Variants in ANXA2 observed in about 807,000 individuals in gnomAD.
ANXA2 encodes annexin II.
ANXA2 carries 28 observed loss-of-function variants against 47.3 expected under a neutral mutation model. The ratio of observed to expected loss-of-function variants is 0.59; its 90% CI spans 0.44 to 0.81. ANXA2 has a LOEUF of 0.81. Among genes scored for constraint, ANXA2 ranks in the 40% least tolerant of loss-of-function variants. The pLI is 0.00. For synonymous variants in ANXA2, 172 were observed against 155.5 expected, an observed-to-expected ratio of 1.11 and a Z score of -0.79; for missense variants, 384 against 414.3, an observed-to-expected ratio of 0.93 and a Z score of 0.64.
chr15:60,364,647 A>T (rs1595677609), intron 3 of ANXA2, 124 bp from the exon 4 acceptor site: 2 of 637,570 alleles, frequency 3.1e-6, no homozygotes, highest in East Asian at 3.0e-5. Context: ...TGAAATACCC[A>T]GACACCAAGA....
rs769190461 is a variant in ANXA2 at position 60,355,914 on chromosome 15, C to T, written c.528+5G>A. The T allele has an allele frequency of 6.2e-7, 1 of 1,613,492 alleles. No homozygotes were observed. Among genetic ancestry groups the T allele is most frequent in the Non-Finnish European group, 8.5e-7 (1 of 1,179,490 alleles). On this transcript the variant is annotated splice_donor_5th_base_variant and intron_variant, in intron 7 of 12. Transcript: ENST00000451270. Reference sequence around the variant, plus strand: ...AAGGGCAAAGAAAGAAACTGGGAAACCAACCTTTGCCAGGGCAACCATCAG... The same window carrying T: ...AAGGGCAAAGAAAGAAACTGGGAAATCAACCTTTGCCAGGGCAACCATCAG...
At chr15:60,367,311 T>C (rs1345000988) in intron 3 of ANXA2, among the ~76,000 whole-genome samples, 11 of 92,798 alleles carry the variant, frequency 1.2e-4, no homozygotes, top group South Asian at 4.1e-4. Flanking sequence ...GTCCGGGAGG[T>C]GAGGGGCGCC....
intron 5 of ANXA2, 148 bp downstream of exon 5, chr15:60,360,793 C>A (rs1336111053): frequency 1.6e-5 from 10 of 622,102 alleles, no homozygotes; most frequent in Non-Finnish European, 1.2e-5. Flanking sequence ...TGGTACAAAT[C>A]CTGAGACATA....
At chr15:60,373,376 A>T (rs954459630) in intron 3 of ANXA2, among the ~76,000 whole-genome samples, 1 of 152,226 alleles carries the variant, frequency 6.6e-6, no homozygotes, top group Non-Finnish European at 1.5e-5. Flanking sequence ...AGTCCTTCCA[A>T]ACAAGCCTGT....
At chr15:60,348,483 G>A (rs1235487704) in intron 12 of ANXA2, among the ~76,000 whole-genome samples, 2 of 152,186 alleles carry the variant, frequency 1.3e-5, no homozygotes, top group African/African-American at 2.4e-5. Context: ...AGTGGCTCAC[G>A]CCTGTCATCC....
At chr15:60,354,753 G>T (rs1377124242) in intron 7 of ANXA2, among the ~76,000 whole-genome samples, 2 of 152,070 alleles carry the variant, frequency 1.3e-5, no homozygotes, top group East Asian at 3.8e-4. Flanking sequence ...TTGATACCCA[G>T]TCCTGGCCTA....
chr15:60,357,664 G>A (rs533187436), intron 5 of ANXA2, among the ~76,000 whole-genome samples: 1 of 152,122 alleles, frequency 6.6e-6, no homozygotes, highest in African/African-American at 2.4e-5. Context: ...ATGGTAGCGG[G>A]CGCCTGTAGT....
intron 1 of ANXA2, among the ~76,000 whole-genome samples, chr15:60,397,510 C>A (rs1301005281): frequency 6.6e-6 from 1 of 152,152 alleles, no homozygotes; most frequent in Non-Finnish European, 1.5e-5. Flanking sequence ...AGATGGGGGG[C>A]ACTTTCTAGA....
intron 9 of ANXA2, 94 bp from the exon 10 acceptor site, chr15:60,351,913 A>T: frequency 1.2e-6 from 1 of 869,344 alleles, no homozygotes; most frequent in Non-Finnish European, 1.9e-6. Flanking sequence ...AATTTTTTTA[A>T]AAATTGAGGA....
Position 60,351,797 on chromosome 15 carries a change from G to A in ANXA2, c.705C>T (p.Tyr235=). The A allele has an allele frequency of 6.2e-7, 1 of 1,612,618 alleles. No homozygotes were observed. Among genetic ancestry groups the A allele is most frequent in the Non-Finnish European group, 8.5e-7 (1 of 1,178,598 alleles). ...LQKVFDRYKS[Y]SPYDMLESIR... is the part of the protein sequence containing the mutation. ...TGCTTTCCAACATGTCATAAGGGCTGTAACTCTTGTACCTATCAAATACTG... is the reference window on the plus strand; with the variant it reads ...TGCTTTCCAACATGTCATAAGGGCTATAACTCTTGTACCTATCAAATACTG... Residue 235 remains tyrosine, a synonymous_variant, in exon 10 of 13, where the codon TAC becomes TAT. Transcript: ENST00000451270.
At chr15:60,361,170 G>C in intron 4 of ANXA2, 116 bp from the exon 5 acceptor site, 3 of 724,688 alleles carry the variant, frequency 4.1e-6, no homozygotes, top group Non-Finnish European at 7.5e-6. Flanking sequence ...TGACCACTCC[G>C]GAGTCTTGGG....
At chr15:60,377,995 G>A (rs2062804961) in intron 3 of ANXA2, among the ~76,000 whole-genome samples, 1 of 152,138 alleles carries the variant, frequency 6.6e-6, no homozygotes. Context: ...GGCTGAAACA[G>A]GAGAATTGCT....
intron 1 of ANXA2, chr15:60,386,330 C>A: frequency 2.3e-6 from 1 of 438,096 alleles, no homozygotes; most frequent in Non-Finnish European, 4.1e-6. Context: ...TAAACAGAAC[C>A]TGGGGAGACT....
chr15:60,354,766 C>T (rs1169508582), intron 7 of ANXA2, among the ~76,000 whole-genome samples: 1 of 152,128 alleles, frequency 6.6e-6, no homozygotes, highest in Non-Finnish European at 1.5e-5. Flanking sequence ...CTGGCCTACA[C>T]ACCTTACAGA....
At chr15:60,386,124 G>C in intron 1 of ANXA2, 38 bp from the exon 2 acceptor site, 1 of 1,409,360 alleles carries the variant, frequency 7.1e-7, no homozygotes, top group Non-Finnish European at 1.0e-6. Context: ...TTATGAAGAG[G>C]CTCTCCTTTA....
At chr15:60,356,240 C>G (rs528563811) in intron 6 of ANXA2, among the ~76,000 whole-genome samples, 296 of 152,266 alleles carry the variant, frequency 1.9e-3, no homozygotes, top group Non-Finnish European at 3.4e-3. Flanking sequence ...CAGGGATCCT[C>G]AGGCTCACCG....
chr15:60,366,220 C>A lies in ANXA2; in HGVS notation c.149-1697G>T, dbSNP rs1171808571. On this transcript the variant is annotated intron_variant, in intron 3 of 12. Transcript: ENST00000451270. ...GCTACAACCACCTCCCAGCCGCCTGCCTTGGCCTCCCAAAGAGCCCAGATT... is the reference window on the plus strand; with the variant it reads ...GCTACAACCACCTCCCAGCCGCCTGACTTGGCCTCCCAAAGAGCCCAGATT... Among the ~76,000 whole-genome samples the A allele has an allele frequency of 9.3e-5, 14 of 150,528 alleles. 1 individual carries two copies. The highest frequency in any genetic ancestry group is 4.3e-4 in the South Asian group (2 of 4,680).
chr15:60,354,444 A>C (rs1726959725), intron 7 of ANXA2, among the ~76,000 whole-genome samples: 1 of 152,084 alleles, frequency 6.6e-6, no homozygotes, highest in South Asian at 2.1e-4. Flanking sequence ...GATGGAGACC[A>C]ACCTGGCTAA....
chr15:60,359,316 A>G (rs1249707270), intron 5 of ANXA2, among the ~76,000 whole-genome samples: 3 of 152,184 alleles, frequency 2.0e-5, no homozygotes, highest in East Asian at 3.8e-4. Flanking sequence ...AATCACAACT[A>G]AATAGATTCT....
Sources: gnomAD v4.1 joint callset for allele counts (sites outside exome capture counted in the v4.1 genomes callset) on GRCh38, gnomAD v4.1.1 for gene constraint, MANE v1.5 for transcripts, NCBI Gene and HGNC (gene_info 2026-07-23, HGNC 2026-07-21) for gene names.